The following GABBR2 variants were observed in gnomAD, a reference collection of about 807,000 sequenced individuals.
GABBR2 encodes the protein gamma-aminobutyric acid type B receptor subunit 2.
Under a neutral mutation model 105.6 loss-of-function variants are expected in GABBR2, and 23 were observed. The observed-to-expected ratio is 0.22, with a 90% confidence interval of 0.16 to 0.31. The LOEUF is 0.31. GABBR2 is among the 10% of genes least tolerant of loss of function. GABBR2 has a pLI of 1.00. For missense variants in GABBR2, 734 were observed against 1,245.5 expected (o/e 0.59, Z 6.18); for synonymous variants, 478 against 499.7 (o/e 0.96, Z 0.58).
Position 98,527,941 on chromosome 9 carries a change from A to G in GABBR2, c.630+13932T>C, listed in dbSNP as rs139847029. Among the ~76,000 whole-genome samples the G allele has an allele frequency of 5.3e-3, 807 of 152,346 alleles. 12 individuals are homozygous for G. The highest frequency in any genetic ancestry group is 0.018 in the African/African-American group (762 of 41,574). ...GAACAAAATGTAAAAACTCAGCAACAGTCAAAAGCTGCACCGTCCAAGACA... is the reference window on the plus strand; with the variant it reads ...GAACAAAATGTAAAAACTCAGCAACGGTCAAAAGCTGCACCGTCCAAGACA... On this transcript the variant is annotated intron_variant, in intron 3 of 18. Coordinates refer to ENST00000259455, the MANE Select transcript of GABBR2 (RefSeq NM_005458.8).
chr9:98,422,254 T>C (rs1832794108), intron 7 of GABBR2, among the ~76,000 whole-genome samples: 1 of 152,208 alleles, frequency 6.6e-6, no homozygotes, highest in South Asian at 2.1e-4. Context: ...TAAAGTGATG[T>C]TGCTTTACAT....
intron 7 of GABBR2, among the ~76,000 whole-genome samples, chr9:98,406,691 G>GA (rs1832496207): frequency 1.3e-5 from 2 of 152,192 alleles, no homozygotes; most frequent in Non-Finnish European, 2.9e-5. Context: ...CTATGGTGCA[G>GA]CAAAAAACTA....
intron 2 of GABBR2, among the ~76,000 whole-genome samples, chr9:98,563,194 T>C (rs1828701302): frequency 6.6e-6 from 1 of 151,742 alleles, no homozygotes; most frequent in Non-Finnish European, 1.5e-5. Flanking sequence ...TTCATGATGC[T>C]ACTTACATTA....
chr9:98,531,091 C>T (rs1828059194), intron 3 of GABBR2, among the ~76,000 whole-genome samples: 1 of 152,150 alleles, frequency 6.6e-6, no homozygotes, highest in Admixed American at 6.5e-5. Flanking sequence ...AGAAGGCACA[C>T]TCAGTCAACG....
At chr9:98,528,889 G>C (rs1011894417) in intron 3 of GABBR2, among the ~76,000 whole-genome samples, 5 of 152,154 alleles carry the variant, frequency 3.3e-5, no homozygotes, top group Admixed American at 3.3e-4. Context: ...GTTCAAAAAT[G>C]TGCATATGCT....
chr9:98,564,378 G>T (rs1789765646), intron 2 of GABBR2, among the ~76,000 whole-genome samples: 1 of 152,154 alleles, frequency 6.6e-6, no homozygotes, highest in Admixed American at 6.5e-5. Context: ...GGCCTAACTG[G>T]GACAACGCCT....
chr9:98,412,176 C>T (rs1404667100), intron 7 of GABBR2, among the ~76,000 whole-genome samples: 1 of 152,176 alleles, frequency 6.6e-6, no homozygotes, highest in Non-Finnish European at 1.5e-5. Context: ...GTCAGGGAGG[C>T]AAGAAGGGGA....
intron 12 of GABBR2, among the ~76,000 whole-genome samples, chr9:98,370,856 C>T (rs571569): frequency 0.26 from 38,925 of 151,956 alleles, 5,205 homozygotes; most frequent in South Asian, 0.34. Flanking sequence ...GTGGCGAATG[C>T]GGTCCACGGT....
At chr9:98,602,318 G>A (rs577738490) in intron 1 of GABBR2, among the ~76,000 whole-genome samples, 98 of 151,770 alleles carry the variant, frequency 6.5e-4, no homozygotes, top group Admixed American at 3.0e-3. Context: ...CTAAAAATAC[G>A]AAAATCAGCT....
intron 2 of GABBR2, among the ~76,000 whole-genome samples, chr9:98,572,456 A>T (rs1022156496): frequency 6.6e-6 from 1 of 152,088 alleles, no homozygotes; most frequent in Non-Finnish European, 1.5e-5. Flanking sequence ...CTTTTCAATT[A>T]CACAAATTCC....
intron 2 of GABBR2, among the ~76,000 whole-genome samples, chr9:98,568,781 GT>G (rs1446329904): frequency 6.6e-6 from 1 of 152,184 alleles, no homozygotes; most frequent in African/African-American, 2.4e-5. Flanking sequence ...AAACCCTTCT[GT>G]GGGTTCCTTC....
At chr9:98,496,584 C>T (rs1827284979) in intron 3 of GABBR2, 70 bp from the exon 4 acceptor site, 2 of 1,034,708 alleles carry the variant, frequency 1.9e-6, no homozygotes, top group Non-Finnish European at 3.0e-6. Context: ...CGAGGGGTCA[C>T]CCTGGGGAAG....
At chr9:98,447,060 C>CTTTTTTTTTTTTTTT (rs1564072366) in intron 7 of GABBR2, among the ~76,000 whole-genome samples, 1 of 115,872 alleles carries the variant, frequency 8.6e-6, no homozygotes, top group African/African-American at 3.7e-5. Flanking sequence ...CTAAAAAAGA[C>CTTTTTTTTTTTTTTT]TTCTTTTTTT....
At chr9:98,626,360 C>G (rs751655199) in intron 1 of GABBR2, among the ~76,000 whole-genome samples, 2 of 152,120 alleles carry the variant, frequency 1.3e-5, no homozygotes, top group Non-Finnish European at 1.5e-5. Context: ...ATCAAAAACA[C>G]TTAGATTACA....
Position 98,288,683 on chromosome 9 carries a change from C to T in GABBR2, c.*1901G>A, listed in dbSNP as rs1048493559. 5 of 152,534 alleles carry T rather than the reference C, an allele frequency of 3.3e-5. No individual in the cohort carries two copies. The highest frequency in any genetic ancestry group is 9.7e-5 in the African/African-American group (4 of 41,406). 9.4% of individuals were successfully genotyped at this position (152,534 alleles called of 1,614,324 possible). ...GGTAATACACAGTGAGTGACAACAC[C>T]GATTTTTAGTGCCTAAACAGAGAAT... On this transcript the variant is annotated 3_prime_UTR_variant, in exon 19 of 19. Coordinates refer to ENST00000259455, the MANE Select transcript of GABBR2 (RefSeq NM_005458.8).
rs1306283231 is a variant in GABBR2, at chr9:98,399,027, CTCT to C, written c.1298-4775_1298-4773del. Among the ~76,000 whole-genome samples, 4 of 152,184 alleles carry C rather than the reference CTCT, an allele frequency of 2.6e-5. No individual in the cohort carries two copies. In the East Asian group the frequency reaches 5.8e-4, roughly 22 times the overall value. On this transcript the variant is annotated intron_variant, in intron 8 of 18. Transcript: ENST00000259455. ...GCTGTCTGCCCCAGGAGCACTTTTT[CTCT>C]TCTTCTTGGCAACCTCCCTCAGGTC...
chr9:98,513,099 C>G (rs1371114051), intron 3 of GABBR2, among the ~76,000 whole-genome samples: 1 of 152,136 alleles, frequency 6.6e-6, no homozygotes, highest in Non-Finnish European at 1.5e-5. Context: ...AGAAATAATG[C>G]CACACATCTA....
chr9:98,429,772 A>G (rs981972994), intron 7 of GABBR2, among the ~76,000 whole-genome samples: 3 of 152,120 alleles, frequency 2.0e-5, no homozygotes, highest in Admixed American at 2.0e-4. Flanking sequence ...GAGAAAACAG[A>G]TGTCTTCTCT....
chr9:98,304,241 G>C (rs547724903), intron 15 of GABBR2: 1 of 152,894 alleles, frequency 6.5e-6, no homozygotes, highest in East Asian at 1.9e-4. Context: ...GGATGGTGGG[G>C]GGAAGGGAAC....
Sources: allele counts gnomAD v4.1 joint callset (sites outside exome capture counted in the v4.1 genomes callset), GRCh38; gene constraint gnomAD v4.1.1; transcripts MANE v1.5; gene names NCBI Gene and HGNC (gene_info 2026-07-23, HGNC 2026-07-21).